CCDC126: variants seen among roughly 807,000 people sequenced by gnomAD.
CCDC126 encodes the protein coiled-coil domain-containing protein 126.
CCDC126 carries 5 observed loss-of-function variants against 11.7 expected under a neutral mutation model. The observed-to-expected ratio is 0.43, with a 90% CI of 0.22 to 0.90. CCDC126 has a LOEUF of 0.90. CCDC126 is among the 40% of genes least tolerant of loss of function. The pLI is 0.27. For synonymous variants in CCDC126, 60 were observed against 61.9 expected, an observed-to-expected ratio of 0.97 and a Z score of 0.14; for missense variants, 150 against 163.1, an observed-to-expected ratio of 0.92 and a Z score of 0.44.
chr7:23,631,577 A>G (rs189075499), intron 3 of CCDC126, among the ~76,000 whole-genome samples: 12 of 152,232 alleles, frequency 7.9e-5, no homozygotes, highest in Admixed American at 3.9e-4. Context: ...CCTTACCAAC[A>G]TGCTGAAACC....
intron 3 of CCDC126, among the ~76,000 whole-genome samples, chr7:23,631,518 G>C (rs1240944400): frequency 6.6e-6 from 1 of 152,152 alleles, no homozygotes; most frequent in East Asian, 1.9e-4. Flanking sequence ...TGTAATCCCA[G>C]CACTTTGGGA....
chr7:23,598,602 A>G (rs1782473792), intron 2 of CCDC126: 1 of 152,316 alleles, frequency 6.6e-6, no homozygotes, highest in Admixed American at 6.5e-5. Flanking sequence ...TCGTCAGAGT[A>G]GGCATCCAGG....
chr7:23,634,889 A>G (rs1783180026), intron 3 of CCDC126, among the ~76,000 whole-genome samples: 1 of 152,152 alleles, frequency 6.6e-6, no homozygotes, highest in South Asian at 2.1e-4. Flanking sequence ...TCTCTTCCAC[A>G]GTTAAAGGGA....
At chr7:23,622,103 A>G (rs533437708) in intron 3 of CCDC126, among the ~76,000 whole-genome samples, 37 of 152,314 alleles carry the variant, frequency 2.4e-4, no homozygotes, top group Non-Finnish European at 1.5e-4. Flanking sequence ...CATAAAATGA[A>G]TTAGGGAGGA....
intron 3 of CCDC126, among the ~76,000 whole-genome samples, chr7:23,639,588 T>C (rs1404286542): frequency 6.6e-6 from 1 of 152,236 alleles, no homozygotes; most frequent in Non-Finnish European, 1.5e-5. Context: ...CATTCCTGGG[T>C]ACTTCTTGCT....
At chr7:23,629,480 T>A (rs1329396188) in intron 3 of CCDC126, among the ~76,000 whole-genome samples, 2 of 152,138 alleles carry the variant, frequency 1.3e-5, no homozygotes, top group Non-Finnish European at 2.9e-5. Flanking sequence ...GCAGCCTGAA[T>A]AGGCTAAGAC....
At chr7:23,598,197 T>G (rs1341247475) in intron 2 of CCDC126, 146 bp downstream of exon 2, 1 of 152,230 alleles carries the variant, frequency 6.6e-6, no homozygotes, top group African/African-American at 2.4e-5. Context: ...AAGCTTGAGT[T>G]TTCTCATCCA....
chr7:23,641,072 T>C (rs886410933), intron 3 of CCDC126, among the ~76,000 whole-genome samples: 1 of 151,722 alleles, frequency 6.6e-6, no homozygotes, highest in Admixed American at 6.6e-5. Context: ...GTTTAAGTTT[T>C]TGAGGAACTG....
chr7:23,612,552 A>T (rs1289738805), intron 3 of CCDC126, among the ~76,000 whole-genome samples: 1 of 149,980 alleles, frequency 6.7e-6, no homozygotes, highest in African/African-American at 2.4e-5. Flanking sequence ...ACACACCTGT[A>T]GTCTTAGCTA....
intron 3 of CCDC126, among the ~76,000 whole-genome samples, chr7:23,625,484 T>C (rs1369356761): frequency 6.6e-6 from 1 of 152,156 alleles, no homozygotes; most frequent in Non-Finnish European, 1.5e-5. Flanking sequence ...TAATTTTAAA[T>C]GGCATTTAGT....
At chr7:23,628,555 T>G (rs994119405) in intron 3 of CCDC126, among the ~76,000 whole-genome samples, 4 of 152,198 alleles carry the variant, frequency 2.6e-5, no homozygotes, top group African/African-American at 7.2e-5. Context: ...AAGCCTAGAC[T>G]TTTATCCTTT....
At position 23,644,139 on chromosome 7, in the gene CCDC126, T is replaced by C. The variant is rs1009203407; in HGVS notation, c.*1024T>C. 2.7e-5 allele frequency: 4 copies of C among 149,242 alleles called. No individual in the cohort carries two copies. Among genetic ancestry groups the C allele is most frequent in the African/African-American group, 1.0e-4 (4 of 38,700 alleles). The allele number at this position is 149,242 out of a possible 1,614,324, so 9.2% of individuals were successfully genotyped here. ...TTATATAAGAGTATCCTTTATGAAA[T>C]TTTGAATTTGTATAACAGATGCATT... On this transcript the variant is annotated 3_prime_UTR_variant, in exon 4 of 4. Transcript: ENST00000307471.
rs1272005025 is a variant in CCDC126 at position 23,597,982 on chromosome 7, C to T, written c.-215C>T. The T allele has an allele frequency of 2.0e-5, 3 of 152,300 alleles. No individual in the cohort carries two copies. Among genetic ancestry groups the T allele is most frequent in the Non-Finnish European group, 4.4e-5 (3 of 68,098 alleles). 9.4% of individuals were successfully genotyped at this position (152,300 alleles called of 1,614,324 possible). ...TTTTTGACAGCTCAGTTCTCTTCTA[C>T]TTTGGGAGAGAGAGAAAGTCAGATG... On this transcript the variant is annotated 5_prime_UTR_variant, in exon 2 of 4. Transcript: ENST00000307471.
chr7:23,637,740 G>T (rs867938841), intron 3 of CCDC126, among the ~76,000 whole-genome samples: 10 of 46,646 alleles, frequency 2.1e-4, no homozygotes, highest in Admixed American at 4.0e-4. Flanking sequence ...CAGCCGCCCC[G>T]TCCGGGAGGT....
intron 3 of CCDC126, among the ~76,000 whole-genome samples, chr7:23,641,517 C>T (rs1783355918): frequency 2.0e-5 from 3 of 152,020 alleles, no homozygotes; most frequent in Admixed American, 1.3e-4. Flanking sequence ...CGATGAAGTC[C>T]AGTTTATCTA....
chr7:23,621,647 T>C (rs1227917784), intron 3 of CCDC126, among the ~76,000 whole-genome samples: 2 of 152,224 alleles, frequency 1.3e-5, no homozygotes, highest in East Asian at 1.9e-4. Flanking sequence ...AGGTCATCCC[T>C]GTCTTGTGCC....
chr7:23,617,084 C>T (rs1050960339), intron 3 of CCDC126, among the ~76,000 whole-genome samples: 3 of 151,928 alleles, frequency 2.0e-5, no homozygotes, highest in Admixed American at 2.0e-4. Context: ...CGCGGTGGCT[C>T]ACCCCTGTAA....
intron 3 of CCDC126, among the ~76,000 whole-genome samples, chr7:23,637,402 C>T (rs1783250422): frequency 2.3e-5 from 1 of 43,612 alleles, no homozygotes; most frequent in Non-Finnish European, 4.6e-5. Flanking sequence ...CTCCTCTGCC[C>T]GGCCAGCCGC....
chr7:23,614,147 A>G (rs921741475), intron 3 of CCDC126, among the ~76,000 whole-genome samples: 2 of 152,202 alleles, frequency 1.3e-5, no homozygotes, highest in East Asian at 3.8e-4. Context: ...GGATTATTTG[A>G]TAGGATTTTA....
Sources: gnomAD v4.1 joint callset for allele counts (sites outside exome capture counted in the v4.1 genomes callset) on GRCh38, gnomAD v4.1.1 for gene constraint, MANE v1.5 for transcripts, NCBI Gene and HGNC (gene_info 2026-07-23, HGNC 2026-07-21) for gene names.